DDAH1: variants seen among roughly 807,000 people sequenced by gnomAD.
DDAH1 encodes N(G),N(G)-dimethylarginine dimethylaminohydrolase 1.
DDAH1 carries 19 observed loss-of-function variants against 28.8 expected under a neutral mutation model. The ratio of observed to expected loss-of-function variants is 0.66; its 90% confidence interval spans 0.46 to 0.97. The LOEUF is 0.97. DDAH1 is among the 50% of genes least tolerant of loss of function. The probability of loss-of-function intolerance (pLI) is 0.00; values close to 1 mark genes in which losing one functional copy is unlikely to be tolerated. For missense variants in DDAH1, 326 were observed against 375.9 expected, an observed-to-expected ratio of 0.87 and a Z score of 1.10; for synonymous variants, 153 against 154.4, an observed-to-expected ratio of 0.99 and a Z score of 0.07.
intron 1 of DDAH1, among the ~76,000 whole-genome samples, chr1:85,444,747 G>A (rs1654356322): frequency 6.6e-6 from 1 of 152,216 alleles, no homozygotes; most frequent in South Asian, 2.1e-4. Context: ...TGTGGGAAAG[G>A]AGTTCATAGA....
At chr1:85,444,793 T>A (rs1224954526) in intron 1 of DDAH1, among the ~76,000 whole-genome samples, 1 of 152,160 alleles carries the variant, frequency 6.6e-6, no homozygotes, top group Non-Finnish European at 1.5e-5. Flanking sequence ...AAGGACAATA[T>A]GGAGCGCTAT....
At chr1:85,542,592 T>C (rs1362608140) in intron 1 of DDAH1, among the ~76,000 whole-genome samples, 3 of 152,234 alleles carry the variant, frequency 2.0e-5, no homozygotes, top group Non-Finnish European at 4.4e-5. Flanking sequence ...CCAGTCTTTT[T>C]AAGGGAAGAG....
intron 1 of DDAH1, among the ~76,000 whole-genome samples, chr1:85,391,119 T>C (rs1651528605): frequency 6.6e-6 from 1 of 151,966 alleles, no homozygotes; most frequent in African/African-American, 2.4e-5. Context: ...AATATTAACC[T>C]GACTTATTCT....
chr1:85,561,854 C>T lies in DDAH1; in HGVS notation c.-123+16130G>A, dbSNP rs149432191. Reference sequence around the variant, plus strand: ...CTATGGCTACTGTTCTAATTTTGACCGTGCTTCTGCCATTGATGATACTAG... The same window carrying T: ...CTATGGCTACTGTTCTAATTTTGACTGTGCTTCTGCCATTGATGATACTAG... On this transcript the variant is annotated intron_variant, in intron 1 of 6. Coordinates refer to the DDAH1 transcript ENST00000426972. 8.5e-5 allele frequency among the ~76,000 whole-genome samples: 13 copies of T among 152,160 alleles called. No individual in the cohort carries two copies. In the East Asian group the frequency reaches 2.3e-3, roughly 27 times the overall value.
intron 1 of DDAH1, among the ~76,000 whole-genome samples, chr1:85,378,984 A>G (rs1316578880): frequency 6.6e-6 from 1 of 152,184 alleles, no homozygotes; most frequent in African/African-American, 2.4e-5. Context: ...TAAATTTCCT[A>G]ATGTGCTTTA....
chr1:85,535,464 C>T (rs1191131810), intron 1 of DDAH1, among the ~76,000 whole-genome samples: 2 of 104,274 alleles, frequency 1.9e-5, no homozygotes, highest in African/African-American at 3.8e-5. Flanking sequence ...ACCAAACCAA[C>T]GTTATGAGAC....
intron 1 of DDAH1, among the ~76,000 whole-genome samples, chr1:85,375,301 C>A (rs1650603131): frequency 6.6e-6 from 1 of 152,044 alleles, no homozygotes; most frequent in South Asian, 2.1e-4. Flanking sequence ...TGTGGATATA[C>A]AGAGCAAACC....
rs1413866917 is a variant in DDAH1 at position 85,400,218 on chromosome 1, T to C, written c.304-41371A>G. ...TTTTTTTTTTTTTTTTGAGACGGAG[T>C]CTCAATCTGTTGCCCAGGCTGGAAG... is the stretch of plus-strand genomic sequence containing the variant. On this transcript the variant is annotated intron_variant, in intron 1 of 5. Transcript: ENST00000284031. 4.1e-5 allele frequency among the ~76,000 whole-genome samples: 3 copies of C among 73,316 alleles called. 1 individual carries two copies. The highest frequency in any genetic ancestry group is 1.1e-4 in the African/African-American group (2 of 17,594). 48.1% of individuals were successfully genotyped at this position (73,316 alleles called of 152,430 possible). A position where few individuals can be genotyped will look rare whatever the true frequency, so the allele number is the denominator to read the frequency against.
At chr1:85,411,328 AACG>A (rs1652645652) in intron 1 of DDAH1, among the ~76,000 whole-genome samples, 1 of 152,112 alleles carries the variant, frequency 6.6e-6, no homozygotes, top group Admixed American at 6.6e-5. Context: ...TTAAAAAACA[AACG>A]ACAAGTGTTA....
chr1:85,381,094 C>T (rs747317973), intron 1 of DDAH1, among the ~76,000 whole-genome samples: 12 of 151,614 alleles, frequency 7.9e-5, no homozygotes, highest in Non-Finnish European at 1.6e-4. Context: ...AAAAATTAGC[C>T]GGGCGTGGTG....
At chr1:85,423,363 T>C (rs1653239989) in intron 1 of DDAH1, among the ~76,000 whole-genome samples, 1 of 152,210 alleles carries the variant, frequency 6.6e-6, no homozygotes, top group Non-Finnish European at 1.5e-5. Flanking sequence ...AAGAGAATAA[T>C]TAACATCTTA....
intron 1 of DDAH1, among the ~76,000 whole-genome samples, chr1:85,442,619 G>A (rs1654249775): frequency 6.6e-6 from 1 of 152,212 alleles, no homozygotes; most frequent in South Asian, 2.1e-4. Context: ...CTTCCACAAT[G>A]ATTGAACTAG....
intron 1 of DDAH1, among the ~76,000 whole-genome samples, chr1:85,407,761 T>C (rs1652473831): frequency 6.6e-6 from 1 of 152,204 alleles, no homozygotes; most frequent in South Asian, 2.1e-4. Flanking sequence ...TTTGTGCATT[T>C]AAAATTGGTA....
At chr1:85,565,935 G>A (rs1659284375) in intron 1 of DDAH1, among the ~76,000 whole-genome samples, 2 of 152,096 alleles carry the variant, frequency 1.3e-5, no homozygotes, top group Admixed American at 1.3e-4. Flanking sequence ...ACAAAAATTA[G>A]CTGGGTGTGG....
intron 1 of DDAH1, among the ~76,000 whole-genome samples, chr1:85,575,298 C>G (rs1026030166): frequency 2.0e-5 from 3 of 152,156 alleles, no homozygotes; most frequent in African/African-American, 7.2e-5. Flanking sequence ...ACAGTGAACA[C>G]CCAGACTGAT....
intron 1 of DDAH1, among the ~76,000 whole-genome samples, chr1:85,439,143 GTT>G (rs1176413659): frequency 1.6e-5 from 2 of 125,452 alleles, no homozygotes; most frequent in Non-Finnish European, 1.7e-5. Flanking sequence ...TATTTCTGCA[GTT>G]TTACTATCTT....
chr1:85,351,597 GA>G lies in DDAH1; in HGVS notation c.404-19del. ...TTCTCTGCCTGTAATAGATGTCATG[GA>G]ACATAGTGAGCAGGTGGCACCAGTG... On this transcript the variant is annotated intron_variant, in intron 2 of 5. Transcript: ENST00000284031. 1 of 1,601,336 alleles carries G rather than the reference GA, an allele frequency of 6.2e-7. No individual in the cohort carries two copies. Among genetic ancestry groups the G allele is most frequent in the Non-Finnish European group, 8.6e-7 (1 of 1,168,466 alleles).
At chr1:85,440,964 AC>A (rs962327959) in intron 1 of DDAH1, among the ~76,000 whole-genome samples, 3 of 152,368 alleles carry the variant, frequency 2.0e-5, no homozygotes, top group Non-Finnish European at 4.4e-5. Context: ...TCACAAATTC[AC>A]AAGGCTCAAT....
intron 1 of DDAH1, among the ~76,000 whole-genome samples, chr1:85,543,335 T>A (rs1658527686): frequency 6.6e-6 from 1 of 152,194 alleles, no homozygotes; most frequent in South Asian, 2.1e-4. Context: ...CTGTACAACA[T>A]GCACGGAGAA....
Sources: allele counts gnomAD v4.1 joint callset (sites outside exome capture counted in the v4.1 genomes callset), GRCh38; gene constraint gnomAD v4.1.1; transcripts MANE v1.5; gene names NCBI Gene and HGNC (gene_info 2026-07-23, HGNC 2026-07-21).